Variants in ADGRL2 observed in about 807,000 individuals in gnomAD.
ADGRL2 encodes calcium-independent alpha-latrotoxin receptor 2.
Under a neutral mutation model 157.4 loss-of-function variants are expected in ADGRL2, and 44 were observed. That is an observed-to-expected ratio of 0.28 (90% CI 0.22 to 0.36). The LOEUF (loss-of-function observed/expected upper bound fraction) is 0.36. Among genes scored for constraint, ADGRL2 ranks in the 10% least tolerant of loss-of-function variants. The pLI is 1.00. For missense variants in ADGRL2, 1,510 were observed against 1,768.9 expected, an observed-to-expected ratio of 0.85 and a Z score of 2.63; for synonymous variants, 585 against 624.7, an observed-to-expected ratio of 0.94 and a Z score of 0.95.
chr1:81,920,221 G>A (rs1176313304), intron 3 of ADGRL2, among the ~76,000 whole-genome samples: 1 of 152,114 alleles, frequency 6.6e-6, no homozygotes, highest in South Asian at 2.1e-4. Flanking sequence ...TGCTCTATAG[G>A]AAACCCATTG....
At chr1:81,829,414 T>C (rs980974777) in intron 1 of ADGRL2, among the ~76,000 whole-genome samples, 10 of 152,204 alleles carry the variant, frequency 6.6e-5, no homozygotes, top group Admixed American at 6.5e-5. Flanking sequence ...GACACAGATA[T>C]AAATGGTATG....
At chr1:81,852,262 G>A (rs1478682023) in intron 2 of ADGRL2, among the ~76,000 whole-genome samples, 6 of 152,000 alleles carry the variant, frequency 3.9e-5, no homozygotes, top group African/African-American at 7.2e-5. Flanking sequence ...TGAAAGTTTG[G>A]TACCAGTGAA....
intron 2 of ADGRL2, among the ~76,000 whole-genome samples, chr1:81,850,489 A>C (rs1237912317): frequency 6.6e-6 from 1 of 151,958 alleles, no homozygotes; most frequent in East Asian, 1.9e-4. Flanking sequence ...TGAAGTTCAC[A>C]GACCTCACCT....
intron 2 of ADGRL2, among the ~76,000 whole-genome samples, chr1:81,507,061 A>G (rs2078989266): frequency 1.3e-5 from 2 of 152,202 alleles, no homozygotes; most frequent in South Asian, 4.1e-4. Context: ...CATTTATATA[A>G]TATATCAGAA....
chr1:81,795,486 C>T (rs1426616162), upstream of ADGRL2, among the ~76,000 whole-genome samples: 2 of 152,068 alleles, frequency 1.3e-5, no homozygotes, highest in Non-Finnish European at 2.9e-5. Context: ...ATTATGAAAA[C>T]TTTAATGTAT....
chr1:81,747,659 A>G (rs978897969), intron 1 of ADGRL2, among the ~76,000 whole-genome samples: 3 of 151,952 alleles, frequency 2.0e-5, no homozygotes, highest in Admixed American at 6.6e-5. Context: ...TGTATTCAAC[A>G]TAGTCCTTTA....
chr1:81,428,547 G>A (rs567380512), intron 1 of ADGRL2, among the ~76,000 whole-genome samples: 1 of 152,298 alleles, frequency 6.6e-6, no homozygotes, highest in East Asian at 1.9e-4. Context: ...ACAAGGGTCA[G>A]ATGGTTGAAG....
At chr1:81,374,800 C>A (rs1303465877) in intron 1 of ADGRL2, among the ~76,000 whole-genome samples, 1 of 152,258 alleles carries the variant, frequency 6.6e-6, no homozygotes. Flanking sequence ...ACTGAGACTT[C>A]CAGCACAGTA....
chr1:81,442,948 A>G (rs2077535086), intron 1 of ADGRL2, among the ~76,000 whole-genome samples: 2 of 152,246 alleles, frequency 1.3e-5, no homozygotes, highest in Admixed American at 6.5e-5. Flanking sequence ...CAAACTAAAA[A>G]TTATTGGTCT....
At chr1:81,580,767 T>C (rs2080891314) in intron 2 of ADGRL2, 1 of 152,206 alleles carries the variant, frequency 6.6e-6, no homozygotes, top group South Asian at 2.1e-4. Context: ...GTCTGTGCAT[T>C]TTTCTTTGTG....
chr1:81,715,794 G>A (rs1054341300), intron 1 of ADGRL2, among the ~76,000 whole-genome samples: 1 of 152,078 alleles, frequency 6.6e-6, no homozygotes, highest in Admixed American at 6.5e-5. Flanking sequence ...AGAACCTAAT[G>A]AGGAACAGAA....
Position 81,838,884 on chromosome 1 carries a change from A to G in ADGRL2, c.73+1827A>G, listed in dbSNP as rs3790951. Reference sequence around the variant, plus strand: ...TCAGGCCAGGGGGTATTGCTTCTGAAGCACTTCCCTCCTACGGGTAAAAAG... The same window carrying G: ...TCAGGCCAGGGGGTATTGCTTCTGAGGCACTTCCCTCCTACGGGTAAAAAG... On this transcript the variant is annotated intron_variant, in intron 2 of 23. Coordinates refer to ENST00000686636, the MANE Select transcript of ADGRL2 (RefSeq NM_001366006.2). Among the ~76,000 whole-genome samples the G allele has an allele frequency of 4.6e-5, 7 of 152,108 alleles. No homozygotes were observed. The East Asian group carries it at 1.4e-3, about 29-fold the overall frequency.
intron 1 of ADGRL2, among the ~76,000 whole-genome samples, chr1:81,407,114 G>T (rs1182196333): frequency 6.6e-6 from 1 of 152,114 alleles, no homozygotes; most frequent in Non-Finnish European, 1.5e-5. Context: ...GAAGTTCATT[G>T]CTACCATCTG....
At chr1:81,950,509 C>T (rs750505519) in intron 7 of ADGRL2, 27 bp downstream of exon 7, 1 of 1,582,416 alleles carries the variant, frequency 6.3e-7, no homozygotes, top group Admixed American at 1.8e-5. Flanking sequence ...ACCATGCATA[C>T]ATTTTTCAAT....
intron 3 of ADGRL2, among the ~76,000 whole-genome samples, chr1:81,598,528 AC>A (rs1311431133): frequency 2.0e-4 from 30 of 152,236 alleles, no homozygotes; most frequent in Admixed American, 9.8e-4. Context: ...TACATAGCAA[AC>A]ATGCTAATAC....
chr1:81,504,642 T>C (rs1262024006), intron 2 of ADGRL2, among the ~76,000 whole-genome samples: 1 of 152,206 alleles, frequency 6.6e-6, no homozygotes, highest in East Asian at 1.9e-4. Flanking sequence ...GGGAGACGAC[T>C]CAGGGATCAC....
intron 2 of ADGRL2, among the ~76,000 whole-genome samples, chr1:81,485,001 AG>A (rs569109736): frequency 1.6e-3 from 251 of 152,268 alleles, no homozygotes; most frequent in African/African-American, 5.5e-3. Context: ...GGGCAAATTC[AG>A]AGGAAAAACT....
Position 81,971,835 on chromosome 1 carries a change from T to C in ADGRL2, c.2955-17T>C. 4 of 1,517,080 alleles carry C rather than the reference T, an allele frequency of 2.6e-6. No homozygotes were observed. The highest frequency in any genetic ancestry group is 1.4e-5 in the African/African-American group (1 of 72,990). 94.0% of individuals were successfully genotyped at this position (1,517,080 alleles called of 1,614,324 possible). On this transcript the variant is annotated splice_polypyrimidine_tract_variant and intron_variant, in intron 16 of 23. Coordinates refer to ENST00000686636, the MANE Select transcript of ADGRL2 (RefSeq NM_001366006.2). ...CCATAGAAACTACTAATGCATATTCTTCTCTTTTCATAATAGTTGCTGGCT... is the reference window on the plus strand; with the variant it reads ...CCATAGAAACTACTAATGCATATTCCTCTCTTTTCATAATAGTTGCTGGCT...
Position 81,887,894 on chromosome 1 carries a change from G to A in ADGRL2, c.74-19123G>A, listed in dbSNP as rs182280381. ...CATTGTCAGGCCCAGAAAATACCTC[G>A]TGACTAATATTAGAGTACATCCTTT... On this transcript the variant is annotated intron_variant, in intron 2 of 23. Coordinates refer to ENST00000686636, the MANE Select transcript of ADGRL2 (RefSeq NM_001366006.2). Among the ~76,000 whole-genome samples, 347 of 152,204 alleles carry A rather than the reference G, an allele frequency of 2.3e-3. 1 individual carries two copies. Among genetic ancestry groups the A allele is most frequent in the Non-Finnish European group, 2.0e-3 (138 of 68,026 alleles).
Sources: allele counts gnomAD v4.1 joint callset (sites outside exome capture counted in the v4.1 genomes callset), GRCh38; gene constraint gnomAD v4.1.1; transcripts MANE v1.5; gene names NCBI Gene and HGNC (gene_info 2026-07-23, HGNC 2026-07-21).